The following CDH12 variants were observed in gnomAD, a reference collection of about 807,000 sequenced individuals.
The protein encoded by CDH12 is cadherin-12.
CDH12 carries 41 observed loss-of-function variants against 74.1 expected under a neutral mutation model. The observed-to-expected ratio is 0.55, with a 90% confidence interval of 0.43 to 0.72. CDH12 has a LOEUF of 0.72. Among genes scored for constraint, CDH12 ranks in the 30% least tolerant of loss-of-function variants. CDH12 has a pLI of 0.00. For missense variants in CDH12, 945 were observed against 977.2 expected (o/e 0.97, Z 0.44); for synonymous variants, 399 against 355.0 (o/e 1.12, Z -1.39).
chr5:21,762,747 A>C (rs1418181525), intron 12 of CDH12, among the ~76,000 whole-genome samples: 3 of 152,162 alleles, frequency 2.0e-5, no homozygotes, highest in Non-Finnish European at 4.4e-5. Flanking sequence ...CCTTTAATTT[A>C]TTGGACAAAC....
chr5:22,554,035 T>C (rs1320369771), intron 1 of CDH12, among the ~76,000 whole-genome samples: 5 of 152,298 alleles, frequency 3.3e-5, no homozygotes, highest in Non-Finnish European at 5.9e-5. Flanking sequence ...ATAATGTCTA[T>C]AAAAATCAGT....
At chr5:22,706,282 A>G (rs549656338) in intron 1 of CDH12, among the ~76,000 whole-genome samples, 1 of 152,194 alleles carries the variant, frequency 6.6e-6, no homozygotes, top group East Asian at 1.9e-4. Flanking sequence ...ACTTACAATT[A>G]TTCCCTTGAT....
At chr5:22,447,608 T>C (rs1266367590) in intron 2 of CDH12, among the ~76,000 whole-genome samples, 1 of 152,122 alleles carries the variant, frequency 6.6e-6, no homozygotes, top group Non-Finnish European at 1.5e-5. Context: ...AGTAACTAGA[T>C]ATGCAATTGA....
intron 1 of CDH12, among the ~76,000 whole-genome samples, chr5:22,737,533 A>T (rs1017231758): frequency 3.3e-5 from 5 of 152,004 alleles, no homozygotes; most frequent in Non-Finnish European, 5.9e-5. Flanking sequence ...AAAAATAGTT[A>T]ATAAGACTTA....
At chr5:22,841,409 C>T (rs1322535032) in intron 1 of CDH12, among the ~76,000 whole-genome samples, 1 of 152,048 alleles carries the variant, frequency 6.6e-6, no homozygotes, top group African/African-American at 2.4e-5. Context: ...TGAGTGAAGA[C>T]CTATAATTCA....
intron 5 of CDH12, among the ~76,000 whole-genome samples, chr5:22,064,388 T>C (rs188821599): frequency 6.6e-6 from 1 of 152,300 alleles, no homozygotes; most frequent in African/African-American, 2.4e-5. Flanking sequence ...TTTTGACTAA[T>C]GTAAATTTGG....
intron 1 of CDH12, among the ~76,000 whole-genome samples, chr5:22,587,966 T>C (rs572502567): frequency 2.0e-5 from 3 of 148,582 alleles, no homozygotes; most frequent in South Asian, 4.2e-4. Flanking sequence ...ATCCATATTA[T>C]ATATATAATC....
intron 6 of CDH12, chr5:21,883,836 G>T: frequency 6.2e-7 from 1 of 1,605,202 alleles, no homozygotes; most frequent in South Asian, 1.1e-5. Flanking sequence ...TGAAGTGAAT[G>T]AAAAGAAAGA....
chr5:22,239,882 A>C (rs1027052545), intron 3 of CDH12, among the ~76,000 whole-genome samples: 4 of 152,140 alleles, frequency 2.6e-5, no homozygotes, highest in African/African-American at 4.8e-5. Flanking sequence ...GCTTTAACGG[A>C]AAACTAAGGA....
At chr5:21,780,133 GT>G (rs1162171793) in intron 11 of CDH12, among the ~76,000 whole-genome samples, 3 of 152,166 alleles carry the variant, frequency 2.0e-5, no homozygotes, top group Non-Finnish European at 4.4e-5. Flanking sequence ...CTATGACCCA[GT>G]GAGGAGCAAC....
At chr5:22,743,181 C>T (rs1391843391) in intron 1 of CDH12, among the ~76,000 whole-genome samples, 1 of 151,216 alleles carries the variant, frequency 6.6e-6, no homozygotes, top group East Asian at 1.9e-4. Context: ...TTCCTCAACT[C>T]TCCTGGTCTC....
rs138430300 is a variant in CDH12, at chr5:22,304,579, G to C, written c.-332-91936C>G. Among the ~76,000 whole-genome samples the C allele has an allele frequency of 3.5e-4, 54 of 152,298 alleles. 1 individual carries two copies. In the East Asian group the frequency reaches 8.7e-3, roughly 24 times the overall value. ...TCAGCATTCAAATGCCTATATAGGA[G>C]ACATGAAGGTAAAGAAACAAACTTT... On this transcript the variant is annotated intron_variant, in intron 3 of 14. Coordinates refer to ENST00000382254, the MANE Select transcript of CDH12 (RefSeq NM_004061.5).
At chr5:22,140,432 TG>T (rs1386541989) in intron 4 of CDH12, among the ~76,000 whole-genome samples, 30 of 144,882 alleles carry the variant, frequency 2.1e-4, no homozygotes, top group Non-Finnish European at 3.8e-4. Context: ...CATTTAAAAG[TG>T]TATAAAGTAA....
chr5:22,724,989 A>G (rs1744089363), intron 1 of CDH12, among the ~76,000 whole-genome samples: 1 of 151,872 alleles, frequency 6.6e-6, no homozygotes, highest in Non-Finnish European at 1.5e-5. Flanking sequence ...AATAGGAAAT[A>G]TTATCAACTT....
At chr5:21,954,793 G>C (rs537343048) in intron 6 of CDH12, among the ~76,000 whole-genome samples, 1 of 152,186 alleles carries the variant, frequency 6.6e-6, no homozygotes, top group South Asian at 2.1e-4. Flanking sequence ...TAATTGAATT[G>C]AGGGTTGTCT....
chr5:22,624,377 C>G lies in CDH12; in HGVS notation c.-522-119013G>C, dbSNP rs531628135. Among the ~76,000 whole-genome samples the G allele has an allele frequency of 3.3e-5, 5 of 152,234 alleles. No individual in the cohort carries two copies. The South Asian group carries it at 1.0e-3, about 32-fold the overall frequency. Reference sequence around the variant, plus strand: ...ACCATCGGAGTGAACAGGCAACCTACAGAATGGGAGAAAATTTTTGCAATC... The same window carrying G: ...ACCATCGGAGTGAACAGGCAACCTAGAGAATGGGAGAAAATTTTTGCAATC... On this transcript the variant is annotated intron_variant, in intron 1 of 14. Coordinates refer to ENST00000382254, the MANE Select transcript of CDH12 (RefSeq NM_004061.5).
intron 1 of CDH12, among the ~76,000 whole-genome samples, chr5:22,616,507 A>G (rs960805004): frequency 4.6e-5 from 7 of 152,118 alleles, no homozygotes; most frequent in African/African-American, 7.2e-5. Flanking sequence ...TATTTGAAAT[A>G]TACCTATATA....
intron 2 of CDH12, among the ~76,000 whole-genome samples, chr5:22,473,285 C>A (rs1746042185): frequency 6.6e-6 from 1 of 152,034 alleles, no homozygotes; most frequent in Non-Finnish European, 1.5e-5. Flanking sequence ...TATATACTTA[C>A]ACTGACTTAT....
At chr5:22,716,936 A>G (rs916631548) in intron 1 of CDH12, among the ~76,000 whole-genome samples, 17 of 152,212 alleles carry the variant, frequency 1.1e-4, no homozygotes, top group Non-Finnish European at 2.1e-4. Context: ...TATAAAGGAT[A>G]TCATATTTTT....
Sources: allele counts gnomAD v4.1 joint callset (sites outside exome capture counted in the v4.1 genomes callset), GRCh38; gene constraint gnomAD v4.1.1; transcripts MANE v1.5; gene names NCBI Gene and HGNC (gene_info 2026-07-23, HGNC 2026-07-21).